CNTN1: variants seen among roughly 807,000 people sequenced by gnomAD.
The protein encoded by CNTN1 is contactin-1.
A neutral mutation model predicts 126.4 loss-of-function variants in CNTN1; 38 were observed. The ratio of observed to expected loss-of-function variants is 0.30; its 90% CI spans 0.23 to 0.39. The LOEUF (loss-of-function observed/expected upper bound fraction) is 0.39, where lower values mean the gene tolerates loss of function less well. Ranked by LOEUF, CNTN1 falls within the 10% of genes least tolerant of loss-of-function variation. The pLI, the probability that CNTN1 is intolerant of heterozygous loss-of-function variation, is 1.00. For missense variants in CNTN1, 1,009 were observed against 1,248.4 expected (o/e 0.81, Z 2.89); for synonymous variants, 413 against 422.6 (o/e 0.98, Z 0.28).
intron 14 of CNTN1, among the ~76,000 whole-genome samples, chr12:40,944,402 G>A (rs1240638464): frequency 6.6e-6 from 1 of 151,816 alleles, no homozygotes; most frequent in African/African-American, 2.4e-5. Flanking sequence ...AATATTAATT[G>A]GGCTTTAGGT....
intron 1 of CNTN1, among the ~76,000 whole-genome samples, chr12:40,755,190 CAAAAAAAAAAAAAAAAAAAA>C (rs557970110): frequency 1.3e-5 from 1 of 78,200 alleles, no homozygotes; most frequent in African/African-American, 5.5e-5. Flanking sequence ...GACCCCACCT[CAAAAAAAAAAAAAAAAAAAA>C]AAAAAAAAAA....
intron 14 of CNTN1, among the ~76,000 whole-genome samples, chr12:40,948,070 A>C (rs1390355912): frequency 1.3e-5 from 2 of 151,758 alleles, no homozygotes; most frequent in African/African-American, 2.4e-5. Flanking sequence ...TACTTCATTC[A>C]GGTTACTTCA....
intron 1 of CNTN1, among the ~76,000 whole-genome samples, chr12:40,781,197 A>T (rs1939791141): frequency 6.6e-6 from 1 of 152,050 alleles, no homozygotes; most frequent in African/African-American, 2.4e-5. Context: ...TTGCACAGAT[A>T]GGTAAAGTGC....
intron 1 of CNTN1, among the ~76,000 whole-genome samples, chr12:40,806,392 C>T (rs1200911216): frequency 6.6e-6 from 1 of 152,024 alleles, no homozygotes; most frequent in Non-Finnish European, 1.5e-5. Context: ...TTTACCATTC[C>T]CCCAGCTGTA....
intron 20 of CNTN1, among the ~76,000 whole-genome samples, chr12:41,021,852 C>T (rs764554176): frequency 1.1e-4 from 17 of 151,936 alleles, no homozygotes; most frequent in Non-Finnish European, 1.6e-4. Flanking sequence ...ATGTTACAAA[C>T]CCCTGTAATA....
At chr12:40,778,394 G>C (rs115671708) in intron 1 of CNTN1, among the ~76,000 whole-genome samples, 1 of 151,708 alleles carries the variant, frequency 6.6e-6, no homozygotes, top group Non-Finnish European at 1.5e-5. Context: ...GGGCAGAATT[G>C]GGTAGTTGTC....
intron 1 of CNTN1, among the ~76,000 whole-genome samples, chr12:40,889,059 A>G (rs1373199796): frequency 1.3e-5 from 2 of 152,262 alleles, no homozygotes; most frequent in African/African-American, 4.8e-5. Flanking sequence ...AGCTGTAAAA[A>G]GTTGAACCAT....
intron 23 of CNTN1, among the ~76,000 whole-genome samples, chr12:41,048,732 G>A (rs991106790): frequency 5.9e-5 from 9 of 151,974 alleles, no homozygotes; most frequent in Non-Finnish European, 1.0e-4. Context: ...AAAAATGAAG[G>A]AAGGAAAGAG....
intron 1 of CNTN1, among the ~76,000 whole-genome samples, chr12:40,892,242 A>G (rs17543645): frequency 0.24 from 36,542 of 151,974 alleles, 4,797 homozygotes; most frequent in South Asian, 0.35. Flanking sequence ...GCAAAAAGTG[A>G]TAAGAAAGAC....
intron 1 of CNTN1, among the ~76,000 whole-genome samples, chr12:40,712,818 A>C (rs1941955869): frequency 6.6e-6 from 1 of 152,114 alleles, no homozygotes; most frequent in Admixed American, 6.6e-5. Flanking sequence ...TGTTCCCCAA[A>C]ACCTCATTTT....
chr12:40,693,383 G>A (rs1941354311), intron 1 of CNTN1, among the ~76,000 whole-genome samples: 6 of 152,176 alleles, frequency 3.9e-5, no homozygotes, highest in Admixed American at 3.9e-4. Flanking sequence ...GCCCGGATGG[G>A]CTCCGAGCGG....
chr12:40,703,555 A>C (rs1411016224), intron 1 of CNTN1, among the ~76,000 whole-genome samples: 1 of 152,150 alleles, frequency 6.6e-6, no homozygotes, highest in East Asian at 1.9e-4. Flanking sequence ...TATCGCTCTC[A>C]TCTGATTGTT....
chr12:40,832,288 A>G (rs1015068713), intron 1 of CNTN1, among the ~76,000 whole-genome samples: 2 of 152,198 alleles, frequency 1.3e-5, no homozygotes, highest in Non-Finnish European at 2.9e-5. Context: ...TTGATTGCAT[A>G]TTTGACAGTG....
intron 1 of CNTN1, among the ~76,000 whole-genome samples, chr12:40,719,221 C>G (rs971868203): frequency 6.6e-6 from 1 of 152,024 alleles, no homozygotes; most frequent in Admixed American, 6.6e-5. Flanking sequence ...TATGGATATT[C>G]TTTTTTTATA....
At chr12:40,950,962 A>G (rs1357622474) in intron 14 of CNTN1, among the ~76,000 whole-genome samples, 1 of 151,838 alleles carries the variant, frequency 6.6e-6, no homozygotes, top group African/African-American at 2.4e-5. Flanking sequence ...TTAAGCATAT[A>G]TATATAATAT....
intron 1 of CNTN1, among the ~76,000 whole-genome samples, chr12:40,904,345 TC>T (rs1474979121): frequency 2.5e-5 from 3 of 118,590 alleles, no homozygotes; most frequent in South Asian, 2.6e-4. Flanking sequence ...TCCTTCTTCT[TC>T]TTTTTCCTTC....
intron 1 of CNTN1, among the ~76,000 whole-genome samples, chr12:40,802,725 T>C (rs535777201): frequency 2.0e-5 from 3 of 152,080 alleles, no homozygotes; most frequent in South Asian, 4.1e-4. Flanking sequence ...GGTGAAAGAC[T>C]CTATGGTGAA....
At chr12:40,921,329 A>T (rs1393512994) in intron 4 of CNTN1, among the ~76,000 whole-genome samples, 1 of 152,188 alleles carries the variant, frequency 6.6e-6, no homozygotes, top group African/African-American at 2.4e-5. Flanking sequence ...CGATTTGACC[A>T]CAGCTCTAGG....
chr12:40,926,669 G>T (rs913488071), intron 6 of CNTN1, among the ~76,000 whole-genome samples: 1 of 152,000 alleles, frequency 6.6e-6, no homozygotes, highest in African/African-American at 2.4e-5. Context: ...TGGAGGTATT[G>T]CAATAGTTTA....
Sources: gnomAD v4.1 joint callset for allele counts (sites outside exome capture counted in the v4.1 genomes callset) on GRCh38, gnomAD v4.1.1 for gene constraint, MANE v1.5 for transcripts, NCBI Gene and HGNC (gene_info 2026-07-23, HGNC 2026-07-21) for gene names.